Variants in FIBCD1 observed in about 807,000 individuals in gnomAD.
FIBCD1 encodes fibrinogen C domain containing 1.
In FIBCD1, 47 loss-of-function variants were observed where a neutral mutation model predicts 45.1. The observed-to-expected ratio is 1.04, with a 90% CI of 0.82 to 1.33. FIBCD1 has a LOEUF of 1.33. FIBCD1 is among the 40% of genes most tolerant of loss of function. FIBCD1 has a pLI of 0.00. For synonymous variants in FIBCD1, 313 were observed against 308.1 expected, an observed-to-expected ratio of 1.02 and a Z score of -0.17; for missense variants, 653 against 682.2, an observed-to-expected ratio of 0.96 and a Z score of 0.48.
chr9:130,934,665 GGGCCTCAAGCCCACTGA>G (rs576029092), intron 1 of FIBCD1, among the ~76,000 whole-genome samples: 14 of 152,160 alleles, frequency 9.2e-5, no homozygotes, highest in Non-Finnish European at 1.9e-4. Context: ...GGGCCCACTG[GGGCCTCAAGCCCACTGA>G]GGCCCAAACC....
At chr9:130,927,762 G>A (rs1426469792) in intron 2 of FIBCD1, among the ~76,000 whole-genome samples, 3 of 152,214 alleles carry the variant, frequency 2.0e-5, no homozygotes, top group Admixed American at 2.0e-4. Flanking sequence ...TCTGCCTTCC[G>A]GGTTCGAGCA....
intron 1 of FIBCD1, among the ~76,000 whole-genome samples, chr9:130,936,972 G>GGT (rs10585045): frequency 3.4e-4 from 51 of 150,450 alleles, no homozygotes; most frequent in African/African-American, 6.4e-4. Flanking sequence ...TGAGTGAAGG[G>GGT]GTGTGTGTGT....
At chr9:130,939,879 C>T (rs1013012041), upstream of FIBCD1, among the ~76,000 whole-genome samples, 2 of 152,060 alleles carry the variant, frequency 1.3e-5, no homozygotes, top group East Asian at 1.9e-4. Context: ...GGCTTCTGAC[C>T]GGGAGGCGCC....
At chr9:130,913,961 C>T (rs1015747332) in intron 4 of FIBCD1, among the ~76,000 whole-genome samples, 7 of 152,114 alleles carry the variant, frequency 4.6e-5, no homozygotes, top group South Asian at 2.1e-4. Flanking sequence ...GATCTGGGTT[C>T]CAGGGCCCCA....
intron 4 of FIBCD1, among the ~76,000 whole-genome samples, chr9:130,919,941 T>C (rs1308363469): frequency 7.3e-6 from 1 of 136,540 alleles, no homozygotes; most frequent in African/African-American, 2.8e-5. Context: ...CCCGGCAGAT[T>C]GCAGTGGGGA....
chr9:130,929,140 G>A (rs978422293), intron 2 of FIBCD1, among the ~76,000 whole-genome samples: 1 of 152,120 alleles, frequency 6.6e-6, no homozygotes, highest in African/African-American at 2.4e-5. Flanking sequence ...ATGGAGAGAT[G>A]GGGTGCGGCT....
upstream of FIBCD1, among the ~76,000 whole-genome samples, chr9:130,939,944 C>A (rs992665483): frequency 1.3e-5 from 2 of 152,000 alleles, no homozygotes; most frequent in Non-Finnish European, 2.9e-5. Flanking sequence ...CCGCCGGCCG[C>A]CCCTCCTCCG....
intron 5 of FIBCD1, among the ~76,000 whole-genome samples, chr9:130,908,976 C>A (rs1274256918): frequency 6.6e-6 from 1 of 152,084 alleles, no homozygotes; most frequent in African/African-American, 2.4e-5. Context: ...CCAGGGGTGT[C>A]ACTGAACATC....
chr9:130,916,825 C>T (rs1368436075), intron 4 of FIBCD1, among the ~76,000 whole-genome samples: 1 of 152,212 alleles, frequency 6.6e-6, no homozygotes, highest in East Asian at 1.9e-4. Flanking sequence ...AGTCTGGGCG[C>T]GGTGGCCCAC....
chr9:130,904,439 G>A (rs534987182), intron 6 of FIBCD1, 116 bp from the exon 7 acceptor site: 3 of 1,421,692 alleles, frequency 2.1e-6, no homozygotes, highest in Non-Finnish European at 2.8e-6. Flanking sequence ...GTGCATACAC[G>A]TACGCACGTG....
intron 4 of FIBCD1, among the ~76,000 whole-genome samples, chr9:130,921,394 C>T (rs1832258871): frequency 1.3e-5 from 2 of 152,214 alleles, no homozygotes; most frequent in African/African-American, 4.8e-5. Context: ...CGAGAGGTTC[C>T]TGGGAAAAGA....
chr9:130,929,467 G>T, intron 2 of FIBCD1, 100 bp downstream of exon 2: 1 of 1,411,858 alleles, frequency 7.1e-7, no homozygotes. Context: ...GGGCCTTGGG[G>T]ATTAAGTGAG....
chr9:130,928,495 C>A (rs1832392440), intron 2 of FIBCD1, among the ~76,000 whole-genome samples: 1 of 152,246 alleles, frequency 6.6e-6, no homozygotes, highest in African/African-American at 2.4e-5. Flanking sequence ...CTAAACATCC[C>A]TCTACCCCGG....
intron 1 of FIBCD1, among the ~76,000 whole-genome samples, chr9:130,930,501 G>C (rs1832434036): frequency 6.6e-6 from 1 of 152,094 alleles, no homozygotes; most frequent in Non-Finnish European, 1.5e-5. Flanking sequence ...GACAGGATGG[G>C]AAATAGAAAC....
chr9:130,917,430 A>C (rs1052882524), intron 4 of FIBCD1, among the ~76,000 whole-genome samples: 10 of 151,966 alleles, frequency 6.6e-5, no homozygotes, highest in African/African-American at 2.4e-4. Flanking sequence ...GGTTCAAAGG[A>C]AGGAGTGACG....
At chr9:130,911,324 CA>C (rs1832039359) in intron 5 of FIBCD1, among the ~76,000 whole-genome samples, 1 of 151,778 alleles carries the variant, frequency 6.6e-6, no homozygotes, top group African/African-American at 2.4e-5. Flanking sequence ...TTCTTGAAAT[CA>C]GTGAGACCAA....
chr9:130,914,421 G>A (rs1832119979), intron 4 of FIBCD1, among the ~76,000 whole-genome samples: 2 of 152,284 alleles, frequency 1.3e-5, no homozygotes. Flanking sequence ...GGACAGACTT[G>A]GAGGTTGGGG....
In FIBCD1 at chr9:130,922,284, G is replaced by A. The variant is rs905792712; in HGVS notation, c.849+1460C>T. Among the ~76,000 whole-genome samples the A allele has an allele frequency of 6.6e-6, 1 of 152,014 alleles. No homozygotes were observed. Among genetic ancestry groups the A allele is most frequent in the African/African-American group, 2.4e-5 (1 of 41,290 alleles). The stretch of plus-strand genomic sequence containing the variant: ...TTCTCACCGGCCCACCCCCGGGCCT[G>A]GTCTGGGGTCTCTGTTCCTGGCTAA... On this transcript the variant is annotated intron_variant, in intron 4 of 6. Transcript: ENST00000372338. The surrounding 1 kb of genome is among the most constrained non-coding windows in gnomAD (Gnocchi z 4.5).
At chr9:130,928,720 C>T (rs991736310) in intron 2 of FIBCD1, among the ~76,000 whole-genome samples, 1 of 151,806 alleles carries the variant, frequency 6.6e-6, no homozygotes, top group Non-Finnish European at 1.5e-5. Flanking sequence ...CTCCAGGGAT[C>T]TGAGTCACCG....
Sources: gnomAD v4.1 joint callset for allele counts (sites outside exome capture counted in the v4.1 genomes callset) on GRCh38, gnomAD v4.1.1 for gene constraint, Gnocchi (gnomAD v3.1) non-coding constraint, MANE v1.5 for transcripts, NCBI Gene and HGNC (gene_info 2026-07-23, HGNC 2026-07-21) for gene names.